Variants in SSPN observed in about 807,000 individuals in gnomAD.
The protein encoded by SSPN is sarcospan, also known as K-ras oncogene-associated protein.
In SSPN, 15 loss-of-function variants were observed where a neutral mutation model predicts 19.1. The ratio of observed to expected loss-of-function variants is 0.78; its 90% CI spans 0.52 to 1.21. The LOEUF is 1.21. Among genes scored for constraint, SSPN ranks in the 50% most tolerant of loss-of-function variants. SSPN has a pLI of 0.00. For synonymous variants in SSPN, 147 were observed against 140.3 expected (o/e 1.05, Z -0.34); for missense variants, 291 against 314.0 (o/e 0.93, Z 0.55).
intron 1 of SSPN, among the ~76,000 whole-genome samples, chr12:26,203,542 T>A (rs545015554): frequency 1.3e-5 from 2 of 152,350 alleles, no homozygotes; most frequent in African/African-American, 4.8e-5. Flanking sequence ...GGATGCAGTC[T>A]CAGATCTCTG....
chr12:26,147,270 T>A (rs1226231613), intron 1 of SSPN, among the ~76,000 whole-genome samples: 4 of 83,786 alleles, frequency 4.8e-5, no homozygotes, highest in South Asian at 7.7e-4. Flanking sequence ...TTTTGGGGTT[T>A]TTTTTGTGTT....
chr12:26,199,176 A>AC (rs1400351179), intron 1 of SSPN, among the ~76,000 whole-genome samples: 2 of 152,174 alleles, frequency 1.3e-5, no homozygotes, highest in Non-Finnish European at 2.9e-5. Flanking sequence ...CTTCTCTTTG[A>AC]CCAATGCCTG....
At chr12:26,139,814 T>C (rs180887850) in intron 1 of SSPN, among the ~76,000 whole-genome samples, 5 of 152,374 alleles carry the variant, frequency 3.3e-5, no homozygotes, top group Admixed American at 1.3e-4. Context: ...GGTAAATTTT[T>C]ATAACTTAAT....
At chr12:26,140,586 G>A (rs1944454675) in intron 1 of SSPN, among the ~76,000 whole-genome samples, 1 of 152,188 alleles carries the variant, frequency 6.6e-6, no homozygotes, top group South Asian at 2.1e-4. Context: ...CACGAGGGTG[G>A]ATTTTCCCCT....
At chr12:26,216,037 A>G (rs1262566301) in intron 1 of SSPN, among the ~76,000 whole-genome samples, 1 of 152,232 alleles carries the variant, frequency 6.6e-6, no homozygotes, top group African/African-American at 2.4e-5. Flanking sequence ...GATTAAATGC[A>G]AGAATACATG....
chr12:26,206,029 T>C (rs1381201345), intron 1 of SSPN, among the ~76,000 whole-genome samples: 1 of 152,186 alleles, frequency 6.6e-6, no homozygotes, highest in African/African-American at 2.4e-5. Context: ...ACTATTGTGT[T>C]ATAGAACCCT....
intron 1 of SSPN, among the ~76,000 whole-genome samples, chr12:26,179,312 T>C (rs772717853): frequency 9.9e-5 from 15 of 152,136 alleles, no homozygotes; most frequent in Non-Finnish European, 1.6e-4. Flanking sequence ...AGCAGGGCCA[T>C]GCTGAGAGGC....
At chr12:26,217,255 C>T (rs1038487274) in intron 1 of SSPN, among the ~76,000 whole-genome samples, 1 of 138,326 alleles carries the variant, frequency 7.2e-6, no homozygotes, top group Non-Finnish European at 1.6e-5. Context: ...TTTCCTTGAG[C>T]AGTGGTTTGT....
In SSPN at chr12:26,232,159, G is replaced by A. The variant is rs1193608376; in HGVS notation, c.*1083G>A. The A allele has an allele frequency of 1.0e-6, 1 of 985,274 alleles. No individual in the cohort carries two copies. The highest frequency in any genetic ancestry group is 1.2e-6 in the Non-Finnish European group (1 of 829,898). The allele number at this position is 985,274 out of a possible 1,614,324, so 61.0% of individuals were successfully genotyped here. A position where few individuals can be genotyped will look rare whatever the true frequency, so the allele number is the denominator to read the frequency against. ...CCAATCTATGTTTGAGGAAGATTGGGTAATGCTGATGTGTTCCATTCATGA... is the reference window on the plus strand; with the variant it reads ...CCAATCTATGTTTGAGGAAGATTGGATAATGCTGATGTGTTCCATTCATGA... On this transcript the variant is annotated 3_prime_UTR_variant, in exon 3 of 3. Transcript: ENST00000242729.
Position 26,136,737 on chromosome 12 carries a change from G to A in SSPN, c.-31+14585G>A, listed in dbSNP as rs539915519. 7.2e-5 allele frequency among the ~76,000 whole-genome samples: 11 copies of A among 152,262 alleles called. No homozygotes were observed. The South Asian group carries it at 1.5e-3, about 20-fold the overall frequency. On this transcript the variant is annotated intron_variant, in intron 1 of 2. Coordinates refer to the SSPN transcript ENST00000538142. Reference sequence around the variant, plus strand: ...AAAACAGAAGGCCAGACCTGTCAACGTGATTTTCCATTAATGAGATATAGT... The same window carrying A: ...AAAACAGAAGGCCAGACCTGTCAACATGATTTTCCATTAATGAGATATAGT...
chr12:26,172,927 A>G (rs1416459887), intron 1 of SSPN, among the ~76,000 whole-genome samples: 1 of 151,902 alleles, frequency 6.6e-6, no homozygotes, highest in African/African-American at 2.4e-5. Context: ...TTAGCTTCCA[A>G]TTTTTATTTT....
At chr12:26,185,912 G>A (rs553318091) in intron 1 of SSPN, among the ~76,000 whole-genome samples, 7 of 152,292 alleles carry the variant, frequency 4.6e-5, no homozygotes, top group African/African-American at 1.4e-4. Flanking sequence ...TTGAATGTGA[G>A]CTCCTTGAGG....
Position 26,166,072 on chromosome 12 carries a change from T to C in SSPN, c.-31+43920T>C, listed in dbSNP as rs533089893. Among the ~76,000 whole-genome samples, 13 of 152,210 alleles carry C rather than the reference T, an allele frequency of 8.5e-5. 1 individual carries two copies. Among genetic ancestry groups the C allele is most frequent in the African/African-American group, 3.1e-4 (13 of 41,528 alleles). On this transcript the variant is annotated intron_variant, in intron 1 of 2. Coordinates refer to the SSPN transcript ENST00000538142. Reference sequence around the variant, plus strand: ...TCACTCCTAAGTGGGAGTTGAACAATGAGAACACATGAACACAGGGAGGGG... The same window carrying C: ...TCACTCCTAAGTGGGAGTTGAACAACGAGAACACATGAACACAGGGAGGGG...
intron 1 of SSPN, among the ~76,000 whole-genome samples, chr12:26,169,853 T>C (rs547664373): frequency 6.6e-6 from 1 of 152,296 alleles, no homozygotes; most frequent in East Asian, 1.9e-4. Flanking sequence ...AGCAGAAGGA[T>C]ATTGGACTCA....
intron 1 of SSPN, among the ~76,000 whole-genome samples, chr12:26,138,446 C>T (rs1353156143): frequency 6.6e-6 from 1 of 152,138 alleles, no homozygotes; most frequent in Non-Finnish European, 1.5e-5. Context: ...AAGGCATTTT[C>T]TAGATAGGGG....
chr12:26,227,843 C>A (rs556742866), intron 2 of SSPN, among the ~76,000 whole-genome samples: 121 of 152,292 alleles, frequency 7.9e-4, no homozygotes, highest in Non-Finnish European at 1.4e-3. Context: ...GAGGGGAGAA[C>A]CTGACTCCCT....
chr12:26,152,227 G>T (rs1395289953), intron 1 of SSPN, among the ~76,000 whole-genome samples: 1 of 152,130 alleles, frequency 6.6e-6, no homozygotes, highest in Non-Finnish European at 1.5e-5. Context: ...GCCACTGCTT[G>T]CAGGAAAGAT....
chr12:26,172,865 G>C (rs1436454121), intron 1 of SSPN, among the ~76,000 whole-genome samples: 1 of 150,884 alleles, frequency 6.6e-6, no homozygotes, highest in Non-Finnish European at 1.5e-5. Flanking sequence ...CTCTCTCTCT[G>C]TCTGTCTTTC....
At chr12:26,134,364 A>G (rs1944413653) in intron 1 of SSPN, among the ~76,000 whole-genome samples, 1 of 152,178 alleles carries the variant, frequency 6.6e-6, no homozygotes, top group South Asian at 2.1e-4. Flanking sequence ...CCTGGACCAG[A>G]TTTGTCTCCT....
Sources: gnomAD v4.1 joint callset for allele counts (sites outside exome capture counted in the v4.1 genomes callset) on GRCh38, gnomAD v4.1.1 for gene constraint, MANE v1.5 for transcripts, NCBI Gene and HGNC (gene_info 2026-07-23, HGNC 2026-07-21) for gene names.